The following MACF1 variants were observed in gnomAD, a reference collection of about 807,000 sequenced individuals.
MACF1 encodes microtubule-actin cross-linking factor 1.
A neutral mutation model predicts 854.8 loss-of-function variants in MACF1; 193 were observed. The ratio of observed to expected loss-of-function variants is 0.23; its 90% CI spans 0.20 to 0.25. The LOEUF is 0.25. Among genes scored for constraint, MACF1 ranks in the 10% least tolerant of loss-of-function variants. The probability of loss-of-function intolerance (pLI) is 1.00; values close to 1 mark genes in which losing one functional copy is unlikely to be tolerated. For missense variants in MACF1, 7,722 were observed against 8,929.1 expected (o/e 0.86, Z 5.45); for synonymous variants, 3,185 against 3,226.7 (o/e 0.99, Z 0.44).
At chr1:39,435,851 TG>T in intron 70 of MACF1, 90 bp downstream of exon 70, 6 of 1,140,874 alleles carry the variant, frequency 5.3e-6, no homozygotes, top group Non-Finnish European at 7.6e-6. Flanking sequence ...TGCTCAGGAA[TG>T]TCCAGAGCAG....
At chr1:39,219,898 G>T (rs1644628111) in intron 1 of MACF1, among the ~76,000 whole-genome samples, 1 of 152,084 alleles carries the variant, frequency 6.6e-6, no homozygotes. Flanking sequence ...TTACAGGCTT[G>T]TGCCACCACT....
At chr1:39,484,565 C>T (rs372130411) in intron 99 of MACF1, 36 bp from the exon 100 acceptor site, 19 of 1,582,832 alleles carry the variant, frequency 1.2e-5, no homozygotes, top group Non-Finnish European at 1.6e-5. Flanking sequence ...AAGATTTTAC[C>T]AAGTAAAATG....
chr1:39,318,403 A>T, intron 29 of MACF1, 50 bp from the exon 30 acceptor site: 1 of 1,530,536 alleles, frequency 6.5e-7, no homozygotes, highest in Non-Finnish European at 9.0e-7. Flanking sequence ...CATTTACTTT[A>T]TTGTATTTGT....
At position 39,412,161 on chromosome 1, in the gene MACF1, C is replaced by T. The variant is rs750313513; in HGVS notation, c.15817-10213C>T. ...TGGCCAAAGACAATGGCAGTTTGTCCCAGGGAGACTGCAGTCAAACTGAGG... is the reference window on the plus strand; with the variant it reads ...TGGCCAAAGACAATGGCAGTTTGTCTCAGGGAGACTGCAGTCAAACTGAGG... On this transcript the variant is annotated intron_variant, in intron 58 of 100. Coordinates refer to ENST00000564288, the MANE Select transcript of MACF1 (RefSeq NM_001394062.1). The T allele has an allele frequency of 3.1e-6, 5 of 1,613,870 alleles. No individual in the cohort carries two copies. The South Asian group carries it at 5.5e-5, about 18-fold the overall frequency.
chr1:39,406,756 A>AAAAAAAAC (rs746955922), intron 58 of MACF1, among the ~76,000 whole-genome samples: 2,594 of 115,788 alleles, frequency 0.022, 221 homozygotes, highest in Non-Finnish European at 0.033. Flanking sequence ...AAAAAAAAAA[A>AAAAAAAAC]AACATTCTTT....
chr1:39,150,299 G>A (rs1643552486), intron 2 of MACF1, among the ~76,000 whole-genome samples: 1 of 152,188 alleles, frequency 6.6e-6, no homozygotes, highest in African/African-American at 2.4e-5. Context: ...GATTACAGGT[G>A]TGAGCCACCG....
chr1:39,283,075 TCTAA>T lies in MACF1; in HGVS notation c.696-111_696-108del. ...ACTCTTCTAAACCTCCTGCTTTTTC[TCTAA>T]CTCACTTAGTGTTTTTCAGCTCTGG... On this transcript the variant is annotated intron_variant, in intron 7 of 100. Coordinates refer to ENST00000564288, the MANE Select transcript of MACF1 (RefSeq NM_001394062.1). The surrounding 1 kb of genome is among the most constrained non-coding windows in gnomAD (Gnocchi z 4.5). 1 of 669,562 alleles carries T rather than the reference TCTAA, an allele frequency of 1.5e-6. No individual in the cohort carries two copies. Among genetic ancestry groups the T allele is most frequent in the Middle Eastern group, 4.1e-4 (1 of 2,436 alleles). 41.5% of individuals were successfully genotyped at this position (669,562 alleles called of 1,614,324 possible).
At chr1:39,464,535 T>C (rs1250497232) in intron 94 of MACF1, 1 of 153,756 alleles carries the variant, frequency 6.5e-6, no homozygotes, top group Non-Finnish European at 1.4e-5. Context: ...TGTTTTCTTG[T>C]TTTTTGTTTT....
intron 2 of MACF1, among the ~76,000 whole-genome samples, chr1:39,237,718 CT>C (rs113548845): frequency 3.5e-3 from 485 of 140,540 alleles, no homozygotes; most frequent in Admixed American, 3.3e-3. Flanking sequence ...CCAGCTGATT[CT>C]TTTTTTTTTT....
intron 58 of MACF1, among the ~76,000 whole-genome samples, chr1:39,404,854 T>C (rs1642632089): frequency 6.6e-6 from 1 of 152,214 alleles, no homozygotes; most frequent in South Asian, 2.1e-4. Context: ...CATCTCTGTA[T>C]ATCTGAAATC....
intron 2 of MACF1, among the ~76,000 whole-genome samples, chr1:39,107,844 T>G (rs1047658461): frequency 6.6e-6 from 1 of 152,216 alleles, no homozygotes; most frequent in African/African-American, 2.4e-5. Flanking sequence ...GCTATTAATT[T>G]GTAGTCACCT....
chr1:39,368,031 A>T (rs1313311321), intron 49 of MACF1, 117 bp from the exon 50 acceptor site: 2 of 655,222 alleles, frequency 3.1e-6, no homozygotes, highest in Non-Finnish European at 4.9e-6. Context: ...ACTGAGTTGC[A>T]TATTTATTGT....
At chr1:39,479,726 GC>G in intron 97 of MACF1, 71 bp from the exon 98 acceptor site, 1 of 1,346,750 alleles carries the variant, frequency 7.4e-7, no homozygotes, top group Non-Finnish European at 1.0e-6. Flanking sequence ...ATGGGGTCAA[GC>G]CGCTGTATAA....
intron 32 of MACF1, 64 bp downstream of exon 32, chr1:39,322,779 G>A: frequency 6.4e-7 from 1 of 1,569,298 alleles, no homozygotes; most frequent in Non-Finnish European, 8.8e-7. Context: ...ATTTGCCTGG[G>A]CCTTACATTT....
chr1:39,381,505 C>T (rs941964187), intron 55 of MACF1, among the ~76,000 whole-genome samples: 3 of 151,824 alleles, frequency 2.0e-5, no homozygotes, highest in African/African-American at 7.3e-5. Flanking sequence ...TAGGTGGGAC[C>T]ACAAGCATGT....
intron 1 of MACF1, among the ~76,000 whole-genome samples, chr1:39,208,038 CAGG>C (rs1298916336): frequency 6.7e-6 from 1 of 149,532 alleles, no homozygotes; most frequent in Non-Finnish European, 1.5e-5. Flanking sequence ...GAGGCTGAGG[CAGG>C]AGAACAGCTT....
At chr1:39,394,261 TGA>T (rs1253961601) in intron 58 of MACF1, among the ~76,000 whole-genome samples, 3 of 148,994 alleles carry the variant, frequency 2.0e-5, no homozygotes, top group African/African-American at 5.2e-5. Flanking sequence ...ATTGATTGAT[TGA>T]TTGATTGATT....
chr1:39,430,576 A>AG lies in MACF1; in HGVS notation c.17131-126_17131-125insG, dbSNP rs976727506. On this transcript the variant is annotated intron_variant, in intron 65 of 100. Transcript: ENST00000564288. ...TTGAAAAATCTGAGATGAGAAAAAA[A>AG]TAACTGAAGGAAGGAGGTCAGAGTC... 8 of 713,728 alleles carry AG rather than the reference A, an allele frequency of 1.1e-5. No individual in the cohort carries two copies. The African/African-American group carries it at 1.3e-4, about 11-fold the overall frequency. The allele number at this position is 713,728 out of a possible 1,614,324, so 44.2% of individuals were successfully genotyped here. A position where few individuals can be genotyped will look rare whatever the true frequency, so the allele number is the denominator to read the frequency against.
intron 2 of MACF1, among the ~76,000 whole-genome samples, chr1:39,091,242 C>G (rs1173979283): frequency 1.3e-5 from 2 of 152,208 alleles, no homozygotes; most frequent in Non-Finnish European, 2.9e-5. Context: ...CTCCCCCACT[C>G]ATTCACACAT....
Sources: gnomAD v4.1 joint callset for allele counts (sites outside exome capture counted in the v4.1 genomes callset) on GRCh38, gnomAD v4.1.1 for gene constraint, Gnocchi (gnomAD v3.1) non-coding constraint, MANE v1.5 for transcripts, NCBI Gene and HGNC (gene_info 2026-07-23, HGNC 2026-07-21) for gene names.